APP: variants seen among roughly 807,000 people sequenced by gnomAD.
APP encodes the protein amyloid-beta precursor protein.
A neutral mutation model predicts 101.4 loss-of-function variants in APP; 31 were observed. That is an observed-to-expected ratio of 0.31 (90% CI 0.23 to 0.41). The LOEUF (loss-of-function observed/expected upper bound fraction) is 0.41. Among genes scored for constraint, APP ranks in the 10% least tolerant of loss-of-function variants. The pLI, the probability that APP is intolerant of heterozygous loss-of-function variation, is 1.00. For synonymous variants in APP, 366 were observed against 364.4 expected, an observed-to-expected ratio of 1.00 and a Z score of -0.05; for missense variants, 839 against 1,003.7, an observed-to-expected ratio of 0.84 and a Z score of 2.22.
At chr21:25,979,808 C>A (rs1568799935) in intron 9 of APP, among the ~76,000 whole-genome samples, 6 of 151,696 alleles carry the variant, frequency 4.0e-5, no homozygotes, top group African/African-American at 1.2e-4. Flanking sequence ...TAAAAAAACA[C>A]ACATTAAAAA....
intron 3 of APP, 33 bp downstream of exon 3, chr21:26,089,910 A>G: frequency 1.2e-6 from 2 of 1,613,370 alleles, no homozygotes; most frequent in Non-Finnish European, 1.7e-6. Context: ...CCAGGCCCCC[A>G]ATCAACACCA....
In APP at chr21:26,170,643, A is replaced by AGTGCGCTGCTGTGCGAGTGGG; in HGVS notation, c.-44_-24dup. 1 of 1,531,110 alleles carries AGTGCGCTGCTGTGCGAGTGGG rather than the reference A, an allele frequency of 6.5e-7. No individual in the cohort carries two copies. Among genetic ancestry groups the AGTGCGCTGCTGTGCGAGTGGG allele is most frequent in the Non-Finnish European group, 8.7e-7 (1 of 1,143,920 alleles). 94.8% of individuals were successfully genotyped at this position (1,531,110 alleles called of 1,614,324 possible). A position where few individuals can be genotyped will look rare whatever the true frequency, so the allele number is the denominator to read the frequency against. ...CATCGCGACCCTGCGCGGGGCACCGAGTGCGCTGCTGTGCGAGTGGGATCC... is the reference window on the plus strand; with the variant it reads ...CATCGCGACCCTGCGCGGGGCACCGAGTGCGCTGCTGTGCGAGTGGGGTGCGCTGCTGTGCGAGTGGGATCC... On this transcript the variant is annotated 5_prime_UTR_variant, in exon 1 of 18. Transcript: ENST00000346798.
intron 1 of APP, among the ~76,000 whole-genome samples, chr21:26,166,950 G>GTGTGTGTC (rs1555886404): frequency 6.7e-6 from 1 of 150,042 alleles, no homozygotes; most frequent in Admixed American, 6.6e-5. Flanking sequence ...GTGTGTGTGT[G>GTGTGTGTC]TGTCTGTCTG....
At chr21:26,048,382 C>T (rs2045700031) in intron 5 of APP, among the ~76,000 whole-genome samples, 1 of 151,652 alleles carries the variant, frequency 6.6e-6, no homozygotes, top group Non-Finnish European at 1.5e-5. Flanking sequence ...CAGTTCTTTG[C>T]TAAAAGATGG....
Position 25,975,226 on chromosome 21 carries a change from A to G in APP, c.1302T>C (p.His434=). ...CCAAAGATTCCACTTTCTCCTGGAA[A>G]TGCTGCCATCATAAACACATATGTC... ...PKADKKAVIQ[H]FQEKVESLEQ... is the part of the protein sequence containing the mutation. The change falls in exon 11 of 18, where the codon CAT becomes CAC. Residue 434 remains histidine, a splice_region_variant and synonymous_variant. Transcript: ENST00000346798. 1 of 1,614,172 alleles carries G rather than the reference A, an allele frequency of 6.2e-7. No homozygotes were observed. The highest frequency in any genetic ancestry group is 8.5e-7 in the Non-Finnish European group (1 of 1,180,022).
chr21:26,131,656 C>T (rs1481383263), intron 1 of APP, among the ~76,000 whole-genome samples: 2 of 152,172 alleles, frequency 1.3e-5, no homozygotes, highest in Non-Finnish European at 2.9e-5. Flanking sequence ...CTCCTCTGAA[C>T]GATAAAGCCA....
chr21:26,013,251 AG>A (rs1001472536), intron 6 of APP, among the ~76,000 whole-genome samples: 11 of 152,320 alleles, frequency 7.2e-5, no homozygotes, highest in African/African-American at 2.6e-4. Context: ...CGGGAGGCAG[AG>A]GTTGCAGTGA....
intron 17 of APP, among the ~76,000 whole-genome samples, chr21:25,882,168 A>G (rs2037032100): frequency 6.6e-6 from 1 of 152,074 alleles, no homozygotes; most frequent in South Asian, 2.1e-4. Context: ...TAAAACCACA[A>G]GAGTATCATG....
chr21:26,039,497 G>T (rs1180684316), intron 5 of APP, among the ~76,000 whole-genome samples: 1 of 152,208 alleles, frequency 6.6e-6, no homozygotes, highest in Non-Finnish European at 1.5e-5. Flanking sequence ...ATGCTATAAA[G>T]ATTATTTTCA....
At chr21:26,154,136 A>G (rs1425533341) in intron 1 of APP, among the ~76,000 whole-genome samples, 2 of 152,236 alleles carry the variant, frequency 1.3e-5, no homozygotes, top group Non-Finnish European at 2.9e-5. Context: ...ATCATACTTT[A>G]AGTGTAACTG....
At chr21:26,042,072 T>A (rs928912804) in intron 5 of APP, among the ~76,000 whole-genome samples, 1 of 152,192 alleles carries the variant, frequency 6.6e-6, no homozygotes, top group African/African-American at 2.4e-5. Flanking sequence ...GGCAAAGATT[T>A]AAAGCTTTAA....
chr21:26,063,556 G>C (rs557324406), intron 3 of APP, among the ~76,000 whole-genome samples: 1 of 151,928 alleles, frequency 6.6e-6, no homozygotes, highest in Non-Finnish European at 1.5e-5. Context: ...TGTCAAATGA[G>C]CATAGGAACC....
intron 1 of APP, among the ~76,000 whole-genome samples, chr21:26,161,834 T>C (rs889007250): frequency 6.6e-6 from 1 of 152,186 alleles, no homozygotes; most frequent in South Asian, 2.1e-4. Flanking sequence ...TGGGTTTTAA[T>C]GTTAGTCTCT....
chr21:26,140,398 G>A (rs1355131860), intron 1 of APP: 1 of 1,433,044 alleles, frequency 7.0e-7, no homozygotes, highest in Admixed American at 2.7e-5. Context: ...TTTAGGCGTG[G>A]ATCACACGCA....
At chr21:26,029,120 G>A (rs1233523411) in intron 5 of APP, among the ~76,000 whole-genome samples, 1 of 152,196 alleles carries the variant, frequency 6.6e-6, no homozygotes, top group African/African-American at 2.4e-5. Flanking sequence ...AGCTTAGGGA[G>A]TAGCAGATGA....
chr21:26,158,551 A>G (rs1249048225), intron 1 of APP, among the ~76,000 whole-genome samples: 1 of 152,210 alleles, frequency 6.6e-6, no homozygotes, highest in African/African-American at 2.4e-5. Flanking sequence ...GACCTTGAAA[A>G]GGACTTCTAC....
chr21:26,080,410 T>A (rs908182789), intron 3 of APP, among the ~76,000 whole-genome samples: 5 of 152,280 alleles, frequency 3.3e-5, no homozygotes, highest in Non-Finnish European at 4.4e-5. Context: ...AGTTTTTTTT[T>A]AAGTTTTTTG....
chr21:25,994,673 TATC>T (rs373060203), intron 8 of APP, among the ~76,000 whole-genome samples: 3 of 152,176 alleles, frequency 2.0e-5, no homozygotes, highest in African/African-American at 2.4e-5. Context: ...TGTGCAGAAA[TATC>T]ATCCAACTGG....
chr21:26,161,306 T>A (rs766351444), intron 1 of APP, among the ~76,000 whole-genome samples: 3 of 152,226 alleles, frequency 2.0e-5, no homozygotes, highest in African/African-American at 7.2e-5. Context: ...CCCCCAGTTA[T>A]CTAAGTTTAC....
Sources: gnomAD v4.1 joint callset for allele counts (sites outside exome capture counted in the v4.1 genomes callset) on GRCh38, gnomAD v4.1.1 for gene constraint, MANE v1.5 for transcripts, NCBI Gene and HGNC (gene_info 2026-07-23, HGNC 2026-07-21) for gene names.